The following TSPAN7 variants were observed in gnomAD, a reference collection of about 807,000 sequenced individuals.
The protein encoded by TSPAN7 is tetraspanin 7.
A neutral mutation model predicts 17.6 loss-of-function variants in TSPAN7; 1 was observed. That is an observed-to-expected ratio of 0.06 (90% confidence interval 0.02 to 0.27). TSPAN7 has a LOEUF of 0.27. Among genes scored for constraint, TSPAN7 ranks in the 10% least tolerant of loss-of-function variants. TSPAN7 has a pLI of 1.00. For missense variants in TSPAN7, 112 were observed against 201.7 expected (o/e 0.56, Z 2.69); for synonymous variants, 78 against 79.0 (o/e 0.99, Z 0.07).
chrX:38,562,307 C>T (rs989296555), intron 1 of TSPAN7, among the ~76,000 whole-genome samples: 1 of 111,519 alleles, frequency 9.0e-6, no homozygotes, highest in Non-Finnish European at 1.9e-5. Context: ...GATTCCTTTC[C>T]CACCTCCCTG....
chrX:38,654,240 A>G (rs1285423459), intron 1 of TSPAN7, among the ~76,000 whole-genome samples: 2 of 112,137 alleles, frequency 1.8e-5, no homozygotes, highest in African/African-American at 6.5e-5. Flanking sequence ...AGCACTTAGC[A>G]TAGTACAGGG....
intron 1 of TSPAN7, among the ~76,000 whole-genome samples, chrX:38,565,330 A>G (rs1320034066): frequency 1.8e-5 from 2 of 111,893 alleles, no homozygotes; most frequent in East Asian, 5.6e-4. Context: ...CCTGGATTCA[A>G]GTGATTCTCC....
At chrX:38,611,809 A>T (rs2069420287) in intron 1 of TSPAN7, among the ~76,000 whole-genome samples, 1 of 111,621 alleles carries the variant, frequency 9.0e-6, no homozygotes, top group African/African-American at 3.3e-5. Flanking sequence ...AATAATTTTA[A>T]AATTCTAACG....
intron 1 of TSPAN7, among the ~76,000 whole-genome samples, chrX:38,574,313 AGTT>A (rs2069183631): frequency 8.9e-6 from 1 of 112,370 alleles, no homozygotes; most frequent in Admixed American, 9.5e-5. Flanking sequence ...TTACAGATGT[AGTT>A]GTTGTAAACT....
intron 5 of TSPAN7, among the ~76,000 whole-genome samples, chrX:38,676,411 C>T (rs371122542): frequency 2.2e-4 from 24 of 110,878 alleles, no homozygotes; most frequent in African/African-American, 5.6e-4. Context: ...GAGGACTAAA[C>T]GAAATTTAAA....
chrX:38,680,447 A>G (rs1026867278), intron 5 of TSPAN7, among the ~76,000 whole-genome samples: 6 of 110,335 alleles, frequency 5.4e-5, no homozygotes, highest in Non-Finnish European at 1.1e-4. Flanking sequence ...CCTTTTCCAG[A>G]AAACTGGAAA....
chrX:38,564,886 C>T (rs2069133732), intron 1 of TSPAN7, among the ~76,000 whole-genome samples: 2 of 111,805 alleles, frequency 1.8e-5, no homozygotes, highest in Non-Finnish European at 3.8e-5. Context: ...TCATCAGATA[C>T]ATGATTTACA....
intron 1 of TSPAN7, among the ~76,000 whole-genome samples, chrX:38,628,574 A>ATC (rs966693066): frequency 9.0e-6 from 1 of 111,443 alleles, no homozygotes; most frequent in Non-Finnish European, 1.9e-5. Context: ...AGATTGTACT[A>ATC]TCTGCCTTAT....
At chrX:38,572,279 T>C (rs1169794566) in intron 1 of TSPAN7, among the ~76,000 whole-genome samples, 1 of 111,411 alleles carries the variant, frequency 9.0e-6, no homozygotes, top group Non-Finnish European at 1.9e-5. Context: ...CTGTTGTTGA[T>C]TGAGAAGCAT....
At chrX:38,621,597 C>T (rs1279276890) in intron 1 of TSPAN7, among the ~76,000 whole-genome samples, 1 of 112,116 alleles carries the variant, frequency 8.9e-6, no homozygotes, top group East Asian at 2.8e-4. Context: ...TGCAAATTAT[C>T]CCCTGAACAC....
chrX:38,666,870 G>C (rs1176512472), intron 2 of TSPAN7, among the ~76,000 whole-genome samples: 1 of 111,808 alleles, frequency 8.9e-6, no homozygotes, highest in African/African-American at 3.2e-5. Context: ...AAAGTGCTGG[G>C]ATTACAGGCT....
At chrX:38,636,398 C>T (rs1389295758) in intron 1 of TSPAN7, among the ~76,000 whole-genome samples, 3 of 112,526 alleles carry the variant, frequency 2.7e-5, no homozygotes, top group African/African-American at 9.7e-5. Flanking sequence ...ACAGTTGTCC[C>T]TGTTCAAAAT....
intron 1 of TSPAN7, among the ~76,000 whole-genome samples, chrX:38,584,199 C>T (rs922185130): frequency 7.3e-5 from 8 of 110,145 alleles, no homozygotes; most frequent in Admixed American, 5.8e-4. Context: ...ATGATCCACT[C>T]GCCTCGGCCT....
intron 1 of TSPAN7, among the ~76,000 whole-genome samples, chrX:38,609,042 C>CCT (rs3051888): frequency 0.058 from 6,436 of 111,541 alleles, 385 homozygotes; most frequent in African/African-American, 0.19. Context: ...AGGATAAATC[C>CCT]GTGTTAGAGG....
chrX:38,643,672 CAAAAAAAAAAA>C (rs34238064), intron 1 of TSPAN7, among the ~76,000 whole-genome samples: 1 of 56,060 alleles, frequency 1.8e-5, no homozygotes, highest in African/African-American at 7.1e-5. Context: ...CCGTCTCTAC[CAAAAAAAAAAA>C]AAAAAAAAAA....
At chrX:38,600,339 C>A (rs757625377) in intron 1 of TSPAN7, among the ~76,000 whole-genome samples, 1 of 111,697 alleles carries the variant, frequency 9.0e-6, no homozygotes, top group South Asian at 3.7e-4. Flanking sequence ...CCTAAACATA[C>A]AAAGGGTCTT....
chrX:38,592,395 A>G (rs1174697932), intron 1 of TSPAN7, among the ~76,000 whole-genome samples: 1 of 111,573 alleles, frequency 9.0e-6, no homozygotes, highest in Non-Finnish European at 1.9e-5. Flanking sequence ...ACTTAATATA[A>G]TTGTTTATAT....
At chrX:38,563,256 A>C in intron 1 of TSPAN7, 1 of 513,827 alleles carries the variant, frequency 1.9e-6, no homozygotes, top group African/African-American at 2.5e-5. Context: ...ACAACGACAC[A>C]GGTTGAAATG....
At position 38,621,986 on chromosome X, in the gene TSPAN7, G is replaced by A. The variant is rs17145081; in HGVS notation, c.82-44135G>A. ...TTGCATTTACAATCTACCATTTGGCGTTTTATGGCTAATAATCCACAAATA... is the reference window on the plus strand; with the variant it reads ...TTGCATTTACAATCTACCATTTGGCATTTTATGGCTAATAATCCACAAATA... On this transcript the variant is annotated intron_variant, in intron 1 of 7. Transcript: ENST00000378482. 1.0e-2 allele frequency among the ~76,000 whole-genome samples: 1,120 copies of A among 112,150 alleles called. 17 individuals are homozygous for A. The highest frequency in any genetic ancestry group is 0.035 in the African/African-American group (1,083 of 30,864).
Sources: allele counts gnomAD v4.1 joint callset (sites outside exome capture counted in the v4.1 genomes callset), GRCh38; gene constraint gnomAD v4.1.1; transcripts MANE v1.5; gene names NCBI Gene and HGNC (gene_info 2026-07-23, HGNC 2026-07-21).